LYN: variants seen among roughly 807,000 people sequenced by gnomAD.
The protein encoded by LYN is LYN proto-oncogene, Src family tyrosine kinase.
Under a neutral mutation model 65.0 loss-of-function variants are expected in LYN, and 12 were observed. The ratio of observed to expected loss-of-function variants is 0.18; its 90% confidence interval spans 0.12 to 0.30. The LOEUF (loss-of-function observed/expected upper bound fraction) is 0.30. LYN is among the 10% of genes least tolerant of loss of function. LYN has a pLI of 1.00. For synonymous variants in LYN, 222 were observed against 221.2 expected, an observed-to-expected ratio of 1.00 and a Z score of -0.03; for missense variants, 380 against 623.2, an observed-to-expected ratio of 0.61 and a Z score of 4.16.
At chr8:55,978,739 C>T (rs762051388) in intron 10 of LYN, among the ~76,000 whole-genome samples, 3 of 152,138 alleles carry the variant, frequency 2.0e-5, no homozygotes, top group Non-Finnish European at 1.5e-5. Context: ...AGTTCTGACA[C>T]GCAGTCAGAG....
chr8:55,920,922 C>T (rs1326802781), intron 1 of LYN, among the ~76,000 whole-genome samples: 3 of 152,276 alleles, frequency 2.0e-5, no homozygotes, highest in East Asian at 3.9e-4. Flanking sequence ...GTCTTGAACT[C>T]CTGACCTCAG....
intron 10 of LYN, among the ~76,000 whole-genome samples, chr8:55,986,182 GA>G (rs1808067006): frequency 7.6e-6 from 1 of 132,334 alleles, no homozygotes; most frequent in Non-Finnish European, 1.6e-5. Context: ...AAATCCACCA[GA>G]ATCCCCCCCG....
intron 1 of LYN, among the ~76,000 whole-genome samples, chr8:55,924,340 A>G (rs1334872893): frequency 6.6e-6 from 1 of 151,536 alleles, no homozygotes; most frequent in South Asian, 2.1e-4. Flanking sequence ...TCTCAATTTT[A>G]TGGCACTTCT....
At chr8:56,002,604 A>AAAATT (rs56143558) in intron 12 of LYN, among the ~76,000 whole-genome samples, 13,573 of 145,072 alleles carry the variant, frequency 0.094, 1,094 homozygotes, top group African/African-American at 0.21. Context: ...CTCCATCTCA[A>AAAATT]AAATTAAATT....
chr8:55,952,316 T>C (rs2130495443), intron 7 of LYN, among the ~76,000 whole-genome samples: 1 of 152,226 alleles, frequency 6.6e-6, no homozygotes, highest in Non-Finnish European at 1.5e-5. Context: ...CCCAGCACTT[T>C]GGGAGGCCAA....
chr8:55,883,708 A>G (rs1044149178), intron 1 of LYN, among the ~76,000 whole-genome samples: 1 of 152,158 alleles, frequency 6.6e-6, no homozygotes, highest in Non-Finnish European at 1.5e-5. Context: ...AATTAAGGAG[A>G]CAGGGCTCAT....
At chr8:55,947,508 T>C (rs1449016582) in intron 3 of LYN, 110 bp from the exon 4 acceptor site, 16 of 756,346 alleles carry the variant, frequency 2.1e-5, no homozygotes, top group Non-Finnish European at 3.5e-5. Context: ...CATGTCCTTC[T>C]TCCAGTTGCC....
At chr8:55,927,007 A>G (rs922551364) in intron 1 of LYN, among the ~76,000 whole-genome samples, 4 of 152,192 alleles carry the variant, frequency 2.6e-5, no homozygotes, top group Admixed American at 1.3e-4. Flanking sequence ...ACCCTCAACC[A>G]GCTTATTATT....
At chr8:55,894,709 A>C (rs768926566) in intron 1 of LYN, among the ~76,000 whole-genome samples, 13 of 151,908 alleles carry the variant, frequency 8.6e-5, no homozygotes, top group Non-Finnish European at 1.5e-4. Context: ...ATTTTTTTGT[A>C]TTTTTAGTAG....
At chr8:55,911,173 GTATATA>G (rs1424930975) in intron 1 of LYN, among the ~76,000 whole-genome samples, 1 of 14,868 alleles carries the variant, frequency 6.7e-5, no homozygotes, top group Non-Finnish European at 1.6e-4. Flanking sequence ...ATATATACAC[GTATATA>G]TATATATATA....
intron 10 of LYN, among the ~76,000 whole-genome samples, chr8:55,994,821 AGG>A (rs1808332515): frequency 6.6e-6 from 1 of 152,184 alleles, no homozygotes; most frequent in Non-Finnish European, 1.5e-5. Context: ...TGGAGCCGGG[AGG>A]CTGGGACAGA....
At chr8:55,898,351 C>T (rs1317803497) in intron 1 of LYN, among the ~76,000 whole-genome samples, 1 of 152,164 alleles carries the variant, frequency 6.6e-6, no homozygotes, top group Non-Finnish European at 1.5e-5. Flanking sequence ...TGCAGTGGCA[C>T]ACTCTTGGCT....
chr8:55,989,918 G>A (rs1808196300), intron 10 of LYN, among the ~76,000 whole-genome samples: 1 of 152,106 alleles, frequency 6.6e-6, no homozygotes, highest in African/African-American at 2.4e-5. Flanking sequence ...TGGGAGGGGA[G>A]GCTTCCAGGC....
chr8:55,985,744 A>C (rs962030250), intron 10 of LYN, among the ~76,000 whole-genome samples: 6 of 152,212 alleles, frequency 3.9e-5, no homozygotes, highest in Admixed American at 3.3e-4. Context: ...TCTGCAGGCA[A>C]GGACTGTTTA....
At chr8:55,989,622 T>A (rs1340763721) in intron 10 of LYN, among the ~76,000 whole-genome samples, 1 of 152,224 alleles carries the variant, frequency 6.6e-6, no homozygotes, top group Non-Finnish European at 1.5e-5. Flanking sequence ...AGAGGGAATT[T>A]AAATGAGTGC....
rs1808885244 is a variant in LYN, at chr8:56,014,004, TG to T, written c.*3896del. Reference sequence around the variant, plus strand: ...CTTTACTCAGGGCCCTCTTGTGCTTTGGCAAATGATAAAAATTATCTCTAAC... The same window carrying T: ...CTTTACTCAGGGCCCTCTTGTGCTTTGCAAATGATAAAAATTATCTCTAAC... On this transcript the variant is annotated 3_prime_UTR_variant, in exon 13 of 13. Coordinates refer to ENST00000519728, the MANE Select transcript of LYN (RefSeq NM_002350.4). 1 of 152,240 alleles carries T rather than the reference TG, an allele frequency of 6.6e-6. No homozygotes were observed. The highest frequency in any genetic ancestry group is 2.1e-4 in the South Asian group (1 of 4,832). The allele number at this position is 152,240 out of a possible 1,614,324, so 9.4% of individuals were successfully genotyped here. A position where few individuals can be genotyped will look rare whatever the true frequency, so the allele number is the denominator to read the frequency against.
At chr8:55,957,469 A>G (rs1035700369) in intron 8 of LYN, among the ~76,000 whole-genome samples, 1 of 152,252 alleles carries the variant, frequency 6.6e-6, no homozygotes, top group Non-Finnish European at 1.5e-5. Flanking sequence ...ATCCTAAATC[A>G]GTAGCCCTGC....
intron 10 of LYN, among the ~76,000 whole-genome samples, chr8:55,986,796 C>T (rs1387050187): frequency 1.3e-5 from 2 of 152,144 alleles, no homozygotes; most frequent in African/African-American, 2.4e-5. Flanking sequence ...TGTGATCATA[C>T]CTCACTGCAG....
rs746073795 is a variant in LYN at position 55,950,455 on chromosome 8, C to G, written c.285-4C>G. 1 of 1,600,950 alleles carries G rather than the reference C, an allele frequency of 6.2e-7. No homozygotes were observed. Among genetic ancestry groups the G allele is most frequent in the South Asian group, 1.1e-5 (1 of 89,228 alleles). ...CTTCTTTTTGATGTGTATTTCTATT[C>G]TAGGCATGGAGAATGGTGGAAAGCA... On this transcript the variant is annotated splice_polypyrimidine_tract_variant and splice_region_variant and intron_variant, in intron 4 of 12. Coordinates refer to ENST00000519728, the MANE Select transcript of LYN (RefSeq NM_002350.4).
Sources: gnomAD v4.1 joint callset for allele counts (sites outside exome capture counted in the v4.1 genomes callset) on GRCh38, gnomAD v4.1.1 for gene constraint, MANE v1.5 for transcripts, NCBI Gene and HGNC (gene_info 2026-07-23, HGNC 2026-07-21) for gene names.